PPARGC1A: variants seen among roughly 807,000 people sequenced by gnomAD.
PPARGC1A encodes the protein PPARG coactivator 1 alpha, also known as peroxisome proliferator-activated receptor gamma coactivator 1-alpha.
A neutral mutation model predicts 88.7 loss-of-function variants in PPARGC1A; 25 were observed. The ratio of observed to expected loss-of-function variants is 0.28; its 90% CI spans 0.21 to 0.39. The LOEUF (loss-of-function observed/expected upper bound fraction) is 0.39. PPARGC1A is among the 10% of genes least tolerant of loss of function. PPARGC1A has a pLI of 1.00. For missense variants in PPARGC1A, 880 were observed against 968.7 expected, an observed-to-expected ratio of 0.91 and a Z score of 1.22; for synonymous variants, 363 against 355.6, an observed-to-expected ratio of 1.02 and a Z score of -0.24.
At chr4:23,988,936 T>A in the PPARGC1A span, among the ~76,000 whole-genome samples, 4 of 147,498 alleles carry the variant, frequency 2.7e-5, no homozygotes, top group Non-Finnish European at 4.5e-5. Context: ...CTATATTATA[T>A]ATAATATATA....
chr4:23,850,825 G>A (rs1312530506), intron 2 of PPARGC1A, among the ~76,000 whole-genome samples: 9 of 152,180 alleles, frequency 5.9e-5, no homozygotes, highest in Admixed American at 5.9e-4. Flanking sequence ...TTAAACATGT[G>A]TCTGAGTAGG....
the PPARGC1A span, among the ~76,000 whole-genome samples, chr4:24,437,429 C>T: frequency 6.6e-6 from 1 of 152,158 alleles, no homozygotes; most frequent in Non-Finnish European, 1.5e-5. Context: ...GGTCCTAGGG[C>T]TGCCATAGGC....
At chr4:24,397,723 C>A in the PPARGC1A span, among the ~76,000 whole-genome samples, 1 of 152,170 alleles carries the variant, frequency 6.6e-6, no homozygotes, top group Non-Finnish European at 1.5e-5. Flanking sequence ...AACCTCCAAC[C>A]TTTTTGAGTC....
the PPARGC1A span, among the ~76,000 whole-genome samples, chr4:24,281,465 C>A: frequency 6.6e-6 from 1 of 152,038 alleles, no homozygotes; most frequent in South Asian, 2.1e-4. Flanking sequence ...TTGTGACGAC[C>A]AGTTCTCATG....
chr4:24,237,938 C>T, the PPARGC1A span, among the ~76,000 whole-genome samples: 2 of 152,192 alleles, frequency 1.3e-5, no homozygotes, highest in African/African-American at 4.8e-5. Flanking sequence ...CGGCACTCAG[C>T]CAATGGCATC....
At chr4:24,181,848 G>A in the PPARGC1A span, among the ~76,000 whole-genome samples, 1 of 151,956 alleles carries the variant, frequency 6.6e-6, no homozygotes, top group Admixed American at 6.6e-5. Context: ...GCGGTACCTG[G>A]CTGAAACAGC....
the PPARGC1A span, among the ~76,000 whole-genome samples, chr4:24,295,322 GT>G: frequency 1.3e-5 from 2 of 152,102 alleles, no homozygotes; most frequent in Non-Finnish European, 2.9e-5. Flanking sequence ...AATAGGAGTT[GT>G]TTTTCCTGCC....
intron 2 of PPARGC1A, among the ~76,000 whole-genome samples, chr4:23,860,533 T>C (rs1054747079): frequency 1.3e-5 from 2 of 152,188 alleles, no homozygotes; most frequent in African/African-American, 4.8e-5. Flanking sequence ...TAATCATCAC[T>C]ATGTGTTTGT....
the PPARGC1A span, among the ~76,000 whole-genome samples, chr4:23,985,825 C>T: frequency 2.6e-5 from 4 of 151,970 alleles, no homozygotes; most frequent in Admixed American, 2.0e-4. Flanking sequence ...ATGCCAAAAG[C>T]ACATCATACA....
the PPARGC1A span, among the ~76,000 whole-genome samples, chr4:23,985,915 C>T: frequency 1.3e-5 from 2 of 151,942 alleles, no homozygotes; most frequent in Non-Finnish European, 1.5e-5. Context: ...GTTAAAAAAT[C>T]AGAAAACCTG....
the PPARGC1A span, among the ~76,000 whole-genome samples, chr4:24,106,502 A>C: frequency 1.2e-4 from 19 of 152,326 alleles, no homozygotes; most frequent in African/African-American, 4.6e-4. Context: ...GGGTCTTTCA[A>C]GAATCGTCCC....
the PPARGC1A span, chr4:24,258,314 G>C: frequency 2.6e-6 from 1 of 391,902 alleles, no homozygotes; most frequent in Non-Finnish European, 3.5e-6. Flanking sequence ...TTGCAGATGG[G>C]GATACTGAAA....
At chr4:23,836,751 T>G (rs1296163195) in intron 2 of PPARGC1A, among the ~76,000 whole-genome samples, 1 of 152,152 alleles carries the variant, frequency 6.6e-6, no homozygotes, top group East Asian at 1.9e-4. Flanking sequence ...GAACCCAGTT[T>G]GTAATATTTG....
At chr4:24,313,918 G>C in the PPARGC1A span, among the ~76,000 whole-genome samples, 1 of 152,180 alleles carries the variant, frequency 6.6e-6, no homozygotes, top group Non-Finnish European at 1.5e-5. Context: ...ATATGTTCAT[G>C]CAATGAATTA....
the PPARGC1A span, among the ~76,000 whole-genome samples, chr4:24,312,815 T>C: frequency 6.6e-6 from 1 of 152,096 alleles, no homozygotes; most frequent in African/African-American, 2.4e-5. Context: ...AAACTATTCT[T>C]CCAGTAATTT....
At chr4:24,428,614 C>G in the PPARGC1A span, among the ~76,000 whole-genome samples, 4 of 152,178 alleles carry the variant, frequency 2.6e-5, no homozygotes, top group African/African-American at 9.6e-5. Context: ...CCTTCAGAAA[C>G]AAGTGTTCTC....
At chr4:24,083,561 C>CA in the PPARGC1A span, among the ~76,000 whole-genome samples, 1 of 152,122 alleles carries the variant, frequency 6.6e-6, no homozygotes. Context: ...CCCCTGTGGC[C>CA]AAACTCAGTG....
At chr4:23,877,360 CAAAAAAAAAAAAAAA>C (rs551447166) in intron 2 of PPARGC1A, among the ~76,000 whole-genome samples, 13 of 62,818 alleles carry the variant, frequency 2.1e-4, no homozygotes, top group Admixed American at 8.0e-4. Flanking sequence ...ACTAAAAATA[CAAAAAAAAAAAAAAA>C]AAAAAAAAAA....
the PPARGC1A span, among the ~76,000 whole-genome samples, chr4:24,326,931 T>G: frequency 4.6e-5 from 7 of 152,322 alleles, no homozygotes; most frequent in East Asian, 1.4e-3. Flanking sequence ...ATTTCTTCCC[T>G]TCTGTCAGAC....
Sources: allele counts gnomAD v4.1 joint callset (sites outside exome capture counted in the v4.1 genomes callset), GRCh38; gene constraint gnomAD v4.1.1; transcripts MANE v1.5; gene names NCBI Gene and HGNC (gene_info 2026-07-23, HGNC 2026-07-21).